The following GPC5 variants were observed in gnomAD, a reference collection of about 807,000 sequenced individuals.
GPC5 encodes glypican-5.
GPC5 carries 47 observed loss-of-function variants against 53.9 expected under a neutral mutation model. That is an observed-to-expected ratio of 0.87 (90% CI 0.69 to 1.11). GPC5 has a LOEUF of 1.11. GPC5 is among the 50% of genes most tolerant of loss of function. The probability of loss-of-function intolerance (pLI) is 0.00; values close to 1 mark genes in which losing one functional copy is unlikely to be tolerated. For synonymous variants in GPC5, 286 were observed against 263.3 expected, an observed-to-expected ratio of 1.09 and a Z score of -0.84; for missense variants, 748 against 713.1, an observed-to-expected ratio of 1.05 and a Z score of -0.56.
chr13:92,726,994 T>C (rs1029683166), intron 7 of GPC5, among the ~76,000 whole-genome samples: 1 of 151,518 alleles, frequency 6.6e-6, no homozygotes, highest in Non-Finnish European at 1.5e-5. Flanking sequence ...AATTTAAATA[T>C]ACTTCCTAAT....
At chr13:92,417,800 A>C (rs1876379439) in intron 7 of GPC5, among the ~76,000 whole-genome samples, 1 of 152,182 alleles carries the variant, frequency 6.6e-6, no homozygotes, top group African/African-American at 2.4e-5. Context: ...CTGATGCGGG[A>C]GGATTGCATA....
chr13:91,795,598 G>A (rs953080855), intron 5 of GPC5, among the ~76,000 whole-genome samples: 1 of 152,074 alleles, frequency 6.6e-6, no homozygotes, highest in African/African-American at 2.4e-5. Flanking sequence ...TTCTTCTAGG[G>A]TATCTTAGTT....
intron 7 of GPC5, among the ~76,000 whole-genome samples, chr13:92,250,989 T>A (rs949390102): frequency 6.6e-6 from 1 of 152,138 alleles, no homozygotes; most frequent in African/African-American, 2.4e-5. Context: ...AATACATGAA[T>A]GCCTTCAAAG....
chr13:92,362,590 A>G (rs1222763275), intron 7 of GPC5, among the ~76,000 whole-genome samples: 2 of 151,754 alleles, frequency 1.3e-5, no homozygotes, highest in Non-Finnish European at 2.9e-5. Context: ...CACTGTCACT[A>G]AAAATTCTTC....
intron 7 of GPC5, among the ~76,000 whole-genome samples, chr13:92,518,741 T>C (rs1011737905): frequency 6.6e-6 from 1 of 152,182 alleles, no homozygotes; most frequent in African/African-American, 2.4e-5. Flanking sequence ...AATAACCAGC[T>C]AACATCATAA....
intron 6 of GPC5, among the ~76,000 whole-genome samples, chr13:92,131,637 TAATGG>T (rs1466031447): frequency 3.9e-5 from 6 of 152,168 alleles, no homozygotes; most frequent in Non-Finnish European, 7.4e-5. Context: ...TTAACATTAT[TAATGG>T]AATGAATCTA....
chr13:91,513,409 G>T lies in GPC5; in HGVS notation c.325+64487G>T, dbSNP rs546724264. ...AGTTGTGTGCAATTTTATCACACAT[G>T]TATGGGTTTGTGTATGCTTGACTCA... On this transcript the variant is annotated intron_variant, in intron 2 of 7. Transcript: ENST00000377067. Among the ~76,000 whole-genome samples, 95 of 151,970 alleles carry T rather than the reference G, an allele frequency of 6.3e-4. 1 individual carries two copies. Among genetic ancestry groups the T allele is most frequent in the African/African-American group, 2.2e-3 (93 of 41,420 alleles).
intron 7 of GPC5, among the ~76,000 whole-genome samples, chr13:92,744,449 A>ATAGT (rs1266395091): frequency 6.6e-6 from 1 of 151,944 alleles, no homozygotes; most frequent in Admixed American, 6.6e-5. Context: ...TATAATTTAA[A>ATAGT]TAGTTATGTA....
intron 7 of GPC5, among the ~76,000 whole-genome samples, chr13:92,482,028 G>A (rs1449578070): frequency 2.0e-5 from 3 of 152,090 alleles, no homozygotes; most frequent in Non-Finnish European, 4.4e-5. Context: ...GTACTTGGGA[G>A]GCTTAGGCAG....
intron 2 of GPC5, among the ~76,000 whole-genome samples, chr13:91,671,864 A>G (rs556460645): frequency 1.3e-5 from 2 of 152,054 alleles, no homozygotes; most frequent in Admixed American, 1.3e-4. Flanking sequence ...TACAGTAACA[A>G]AAACAGCATA....
chr13:92,790,430 G>A (rs559214080), intron 7 of GPC5, among the ~76,000 whole-genome samples: 10 of 152,246 alleles, frequency 6.6e-5, no homozygotes, highest in African/African-American at 2.2e-4. Context: ...TAGATCTTGA[G>A]TGACTTTCAA....
In GPC5 at chr13:91,434,171, A is replaced by G. The variant is rs927446895; in HGVS notation, c.164-14590A>G. ...TAGGTTGCCTGTTCAGGCTGATGGT[A>G]GTTTCTTTTGCTGTGCAGAAACTCT... On this transcript the variant is annotated intron_variant, in intron 1 of 7. Transcript: ENST00000377067. Among the ~76,000 whole-genome samples the G allele has an allele frequency of 5.9e-5, 9 of 152,158 alleles. 1 individual carries two copies. Among genetic ancestry groups the G allele is most frequent in the Admixed American group, 3.3e-4 (5 of 15,274 alleles).
intron 7 of GPC5, among the ~76,000 whole-genome samples, chr13:92,789,612 A>T (rs1302505194): frequency 6.6e-6 from 1 of 152,154 alleles, no homozygotes; most frequent in Non-Finnish European, 1.5e-5. Context: ...TGAAGAAGCT[A>T]GGAGAGATTA....
At chr13:92,002,825 A>G (rs567793746) in intron 6 of GPC5, among the ~76,000 whole-genome samples, 3 of 152,316 alleles carry the variant, frequency 2.0e-5, no homozygotes, top group Admixed American at 2.0e-4. Flanking sequence ...TATTCAGTTG[A>G]TATGAGCTGA....
intron 7 of GPC5, among the ~76,000 whole-genome samples, chr13:92,193,052 G>A (rs2042234231): frequency 6.6e-6 from 1 of 152,092 alleles, no homozygotes; most frequent in African/African-American, 2.4e-5. Flanking sequence ...GCGAGTGCCT[G>A]TAATCCCAGC....
intron 7 of GPC5, among the ~76,000 whole-genome samples, chr13:92,398,510 A>T (rs1282800792): frequency 6.6e-6 from 1 of 150,878 alleles, no homozygotes; most frequent in Non-Finnish European, 1.5e-5. Context: ...TTTACTCATT[A>T]TTTCTGCATC....
At chr13:91,657,827 G>C (rs575699321) in intron 2 of GPC5, among the ~76,000 whole-genome samples, 60 of 152,032 alleles carry the variant, frequency 3.9e-4, no homozygotes, top group Non-Finnish European at 6.5e-4. Flanking sequence ...AATATAGAAA[G>C]ACTCAGTTAC....
At chr13:92,224,785 C>T (rs1001655538) in intron 7 of GPC5, among the ~76,000 whole-genome samples, 5 of 152,198 alleles carry the variant, frequency 3.3e-5, no homozygotes, top group Non-Finnish European at 7.3e-5. Flanking sequence ...GAGGAATTAG[C>T]ACATCCTTTG....
intron 7 of GPC5, among the ~76,000 whole-genome samples, chr13:92,238,141 T>G (rs1296943769): frequency 6.6e-6 from 1 of 152,032 alleles, no homozygotes; most frequent in African/African-American, 2.4e-5. Context: ...ATGTACATAT[T>G]TTTGTGTAGA....
Sources: allele counts gnomAD v4.1 joint callset (sites outside exome capture counted in the v4.1 genomes callset), GRCh38; gene constraint gnomAD v4.1.1; transcripts MANE v1.5; gene names NCBI Gene and HGNC (gene_info 2026-07-23, HGNC 2026-07-21).